The following TJP1 variants were observed in gnomAD, a reference collection of about 807,000 sequenced individuals.
The protein encoded by TJP1 is tight junction protein 1, also known as tight junction protein ZO-1.
In TJP1, 43 loss-of-function variants were observed where a neutral mutation model predicts 194.2. The observed-to-expected ratio is 0.22, with a 90% confidence interval of 0.17 to 0.29. The LOEUF is 0.29. Ranked by LOEUF, TJP1 falls within the 10% of genes least tolerant of loss-of-function variation. The pLI is 1.00. For synonymous variants in TJP1, 801 were observed against 779.0 expected (o/e 1.03, Z -0.47); for missense variants, 1,971 against 2,185.7 (o/e 0.90, Z 1.96).
intron 8 of TJP1, among the ~76,000 whole-genome samples, chr15:29,750,295 G>A (rs1032728897): frequency 2.0e-5 from 3 of 152,056 alleles, no homozygotes; most frequent in Admixed American, 1.3e-4. Flanking sequence ...GAGCCACCAC[G>A]CCCGGCCTAA....
chr15:29,761,611 A>T lies in TJP1; in HGVS notation c.852T>A (p.Ser284=). ...LSDSIHSANA[S]ERDDISEIQS... ...CAGAATCACACTCACCGTCTCTCTC[A>T]GAGGCATTAGCAGAGTGGATGCTGT... is the stretch of plus-strand genomic sequence containing the variant. Residue 284 remains serine, a synonymous_variant, in exon 7 of 28, where the codon TCT becomes TCA. Coordinates refer to ENST00000614355, the MANE Select transcript of TJP1 (RefSeq NM_001330239.4). 5.0e-6 allele frequency: 8 copies of T among 1,600,942 alleles called. No individual in the cohort carries two copies. The highest frequency in any genetic ancestry group is 6.0e-6 in the Non-Finnish European group (7 of 1,169,850).
At chr15:29,774,377 G>T (rs1408062948) in intron 2 of TJP1, among the ~76,000 whole-genome samples, 1 of 152,000 alleles carries the variant, frequency 6.6e-6, no homozygotes, top group Admixed American at 6.6e-5. Context: ...ATCAACTGAT[G>T]AATGGATAAA....
chr15:29,713,344 T>C (rs1161438706), intron 23 of TJP1, among the ~76,000 whole-genome samples: 1 of 152,216 alleles, frequency 6.6e-6, no homozygotes, highest in Non-Finnish European at 1.5e-5. Context: ...TGGAGGTGAA[T>C]GTCTAAGCTA....
In TJP1 at chr15:29,700,563, G is replaced by A. The variant is rs543263405; in HGVS notation, c.*1032C>T. The stretch of plus-strand genomic sequence containing the variant: ...GAATACAAAGGTAGCCTTTAGAAAC[G>A]TGGTCTTGTTTATGTATAAAAAAGG... On this transcript the variant is annotated 3_prime_UTR_variant, in exon 28 of 28. Transcript: ENST00000614355. 9 of 397,890 alleles carry A rather than the reference G, an allele frequency of 2.3e-5. No individual in the cohort carries two copies. Among genetic ancestry groups the A allele is most frequent in the Admixed American group, 4.4e-5 (1 of 22,700 alleles). The allele number at this position is 397,890 out of a possible 1,614,324, so 24.6% of individuals were successfully genotyped here. A position where few individuals can be genotyped will look rare whatever the true frequency, so the allele number is the denominator to read the frequency against.
chr15:29,777,394 A>T (rs1362199773), intron 2 of TJP1, among the ~76,000 whole-genome samples: 1 of 152,180 alleles, frequency 6.6e-6, no homozygotes, highest in Non-Finnish European at 1.5e-5. Context: ...TTTGCCCTTG[A>T]ACCTAAAAAG....
At chr15:29,801,587 A>G (rs374599781) in intron 1 of TJP1, among the ~76,000 whole-genome samples, 12,199 of 148,972 alleles carry the variant, frequency 0.082, 546 homozygotes, top group African/African-American at 0.093. Flanking sequence ...TCAGCCTCCC[A>G]AGTAGCTGGG....
intron 2 of TJP1, among the ~76,000 whole-genome samples, chr15:29,795,981 T>C (rs980181024): frequency 2.6e-5 from 4 of 151,704 alleles, no homozygotes; most frequent in Non-Finnish European, 5.9e-5. Flanking sequence ...CATCTCTCAG[T>C]AAACTAAGAT....
chr15:29,886,111 T>A (rs1284589729), intron 2 of TJP1, among the ~76,000 whole-genome samples: 1 of 152,178 alleles, frequency 6.6e-6, no homozygotes, highest in African/African-American at 2.4e-5. Flanking sequence ...CCAAACTGGA[T>A]GAGATGCCAA....
At position 29,712,164 on chromosome 15, in the gene TJP1, C is replaced by T. The variant is rs2042282796; in HGVS notation, c.4203-1164G>A. Among the ~76,000 whole-genome samples, 3 of 152,204 alleles carry T rather than the reference C, an allele frequency of 2.0e-5. No individual in the cohort carries two copies. The South Asian group carries it at 6.2e-4, about 31-fold the overall frequency. Reference sequence around the variant, plus strand: ...CTAGCTTTATGTGCACCAACAATAACATATACATTTGGAATACTCCTGGTC... The same window carrying T: ...CTAGCTTTATGTGCACCAACAATAATATATACATTTGGAATACTCCTGGTC... On this transcript the variant is annotated intron_variant, in intron 23 of 27. Coordinates refer to ENST00000614355, the MANE Select transcript of TJP1 (RefSeq NM_001330239.4).
intron 2 of TJP1, among the ~76,000 whole-genome samples, chr15:29,797,049 A>T (rs981221599): frequency 2.8e-4 from 43 of 152,230 alleles, no homozygotes; most frequent in African/African-American, 9.2e-4. Context: ...ACAGAGGAAA[A>T]ATTATTCTTG....
chr15:29,795,973 T>C (rs2127702), intron 2 of TJP1, among the ~76,000 whole-genome samples: 150,680 of 152,278 alleles, frequency 0.99, 74,573 homozygotes, highest in Middle Eastern at 1. Flanking sequence ...AAAACAACCA[T>C]CTCTCAGTAA....
At chr15:29,868,489 A>G (rs545203024) in intron 2 of TJP1, among the ~76,000 whole-genome samples, 11 of 149,978 alleles carry the variant, frequency 7.3e-5, no homozygotes, top group Non-Finnish European at 1.3e-4. Flanking sequence ...TCACTATAAT[A>G]TAAATGAATA....
At chr15:29,720,156 G>GAA in intron 19 of TJP1, 140 bp from the exon 20 acceptor site, 51 of 1,007,080 alleles carry the variant, frequency 5.1e-5, no homozygotes, top group East Asian at 1.2e-4. Flanking sequence ...AACTTTTTGG[G>GAA]AAAAAAAAAA....
At chr15:29,949,271 TCCATCACCTCCACCGCCATCACCTCCA>T (rs2055431300) in intron 2 of TJP1, among the ~76,000 whole-genome samples, 1 of 50,890 alleles carries the variant, frequency 2.0e-5, no homozygotes, top group Admixed American at 2.0e-4. Context: ...CACCACCACC[TCCATCACCTCCACCGCCATCACCTCCA>T]CCACCACCAC....
Position 29,708,778 on chromosome 15 carries a change from T to C in TJP1, c.4631A>G (p.Glu1544Gly). Residue 1544 changes from glutamate (E) to glycine (G), a missense_variant, in exon 25 of 28, where the codon GAA becomes GGA. Physicochemically the swap from Glu to Gly is moderately conservative, Grantham distance 98 (BLOSUM62 -2). This residue lies in a region of TJP1 where 1,108 missense variants were observed against 1,128.5 expected (regional missense o/e 0.98). Coordinates refer to ENST00000614355, the MANE Select transcript of TJP1 (RefSeq NM_001330239.4). ...SSARPFERKF[E>G]SPKFNHNLLP... ...AAGATTGTGATTGAATTTAGGACTT[T>C]CAAACTTGCGTTCAAATGGTCGGGC... 6.2e-7 allele frequency: 1 copy of C among 1,614,238 alleles called. No individual in the cohort carries two copies. Among genetic ancestry groups the C allele is most frequent in the Non-Finnish European group, 8.5e-7 (1 of 1,180,044 alleles).
intron 8 of TJP1, among the ~76,000 whole-genome samples, chr15:29,746,387 A>C (rs2044784079): frequency 6.6e-6 from 1 of 152,196 alleles, no homozygotes; most frequent in African/African-American, 2.4e-5. Flanking sequence ...CAAAAAAAAA[A>C]AAAGAAAGAA....
At position 29,968,059 on chromosome 15, in the gene TJP1, G is replaced by A. The variant is rs368643770; in HGVS notation, c.173+608C>T. The stretch of plus-strand genomic sequence containing the variant: ...GATAATCAGCAACGTAAACCAGTAA[G>A]GTCCAGACATTTTTCTTTAAGGATG... On this transcript the variant is annotated intron_variant, in intron 1 of 28. Transcript: ENST00000356107. 3.7e-5 allele frequency: 36 copies of A among 985,034 alleles called. 2 individuals are homozygous for A. The African/African-American group carries it at 4.7e-4, about 13-fold the overall frequency. The allele number at this position is 985,034 out of a possible 1,614,324, so 61.0% of individuals were successfully genotyped here. A position where few individuals can be genotyped will look rare whatever the true frequency, so the allele number is the denominator to read the frequency against.
chr15:29,732,967 T>C, intron 13 of TJP1, 127 bp downstream of exon 13: 2 of 1,260,236 alleles, frequency 1.6e-6, no homozygotes, highest in African/African-American at 1.5e-5. Context: ...TAAACCTAAG[T>C]CAGTTATAGA....
At chr15:29,827,119 C>G (rs1035158706), upstream of TJP1, among the ~76,000 whole-genome samples, 5 of 152,190 alleles carry the variant, frequency 3.3e-5, no homozygotes, top group African/African-American at 1.2e-4. Flanking sequence ...GGCAGTGTCA[C>G]TTTCTGTCTG....
Sources: gnomAD v4.1 joint callset for allele counts (sites outside exome capture counted in the v4.1 genomes callset) on GRCh38, gnomAD v4.1.1 for gene constraint, gnomAD v4.1.1 regional missense constraint, MANE v1.5 for transcripts, NCBI Gene and HGNC (gene_info 2026-07-23, HGNC 2026-07-21) for gene names.